The following TDRD9 variants were observed in gnomAD, a reference collection of about 807,000 sequenced individuals.
The protein encoded by TDRD9 is ATP-dependent RNA helicase TDRD9.
TDRD9 carries 124 observed loss-of-function variants against 172.6 expected under a neutral mutation model. The ratio of observed to expected loss-of-function variants is 0.72; its 90% CI spans 0.62 to 0.83. TDRD9 has a LOEUF of 0.83. TDRD9 is among the 40% of genes least tolerant of loss of function. TDRD9 has a pLI of 0.00. For synonymous variants in TDRD9, 619 were observed against 617.1 expected, an observed-to-expected ratio of 1.00 and a Z score of -0.05; for missense variants, 1,479 against 1,714.1, an observed-to-expected ratio of 0.86 and a Z score of 2.42.
chr14:103,929,847 T>C (rs527834828), intron 1 of TDRD9, among the ~76,000 whole-genome samples: 1 of 152,298 alleles, frequency 6.6e-6, no homozygotes, highest in South Asian at 2.1e-4. Flanking sequence ...AAGGTTTTTG[T>C]GTGGACATAA....
intron 7 of TDRD9, among the ~76,000 whole-genome samples, chr14:103,976,289 T>TC (rs2152169069): frequency 6.6e-6 from 1 of 152,210 alleles, no homozygotes; most frequent in South Asian, 2.1e-4. Flanking sequence ...CTTTTTTTTT[T>TC]TCGAGACAGA....
At chr14:103,929,280 T>G (rs75156852) in intron 1 of TDRD9, among the ~76,000 whole-genome samples, 6 of 152,116 alleles carry the variant, frequency 3.9e-5, no homozygotes, top group African/African-American at 1.4e-4. Flanking sequence ...AAACCACTGA[T>G]TTTTTTACTG....
At chr14:103,941,831 A>G in intron 1 of TDRD9, 1 of 651,082 alleles carries the variant, frequency 1.5e-6, no homozygotes, top group Non-Finnish European at 2.6e-6. Context: ...TGCAGGTCAA[A>G]ATAAGATTAG....
chr14:104,012,031 A>G (rs2034628492), intron 20 of TDRD9, among the ~76,000 whole-genome samples: 1 of 152,182 alleles, frequency 6.6e-6, no homozygotes, highest in Admixed American at 6.5e-5. Context: ...GTGTGCGATG[A>G]CAGGCATGAA....
chr14:104,013,885 A>G (rs1274675702), intron 20 of TDRD9: 2 of 151,008 alleles, frequency 1.3e-5, no homozygotes, highest in African/African-American at 2.4e-5. Context: ...GTGCCTGTGA[A>G]TAGCCACTGC....
chr14:103,992,455 G>A (rs1284763962), intron 9 of TDRD9, among the ~76,000 whole-genome samples: 2 of 152,188 alleles, frequency 1.3e-5, no homozygotes, highest in African/African-American at 4.8e-5. Context: ...GTGGGGTGGT[G>A]TTGCATGTGC....
chr14:103,937,450 G>C (rs899440733), intron 1 of TDRD9, among the ~76,000 whole-genome samples: 11 of 152,040 alleles, frequency 7.2e-5, no homozygotes, highest in Non-Finnish European at 1.5e-4. Context: ...TGTGACCTCC[G>C]TAGCTAAAGC....
At chr14:103,983,760 A>T (rs900272745) in intron 7 of TDRD9, among the ~76,000 whole-genome samples, 1 of 152,202 alleles carries the variant, frequency 6.6e-6, no homozygotes, top group African/African-American at 2.4e-5. Context: ...TGTGGAAGCC[A>T]CTTTGGAACT....
rs1253615964 is a variant in TDRD9 at position 104,034,037 on chromosome 14, T to C, written c.3587T>C (p.Leu1196Pro). 1.3e-6 allele frequency: 2 copies of C among 1,551,368 alleles called. No homozygotes were observed. Among genetic ancestry groups the C allele is most frequent in the East Asian group, 4.9e-5 (2 of 40,908 alleles). Residue 1196 changes from leucine (L) to proline (P), a missense_variant, in exon 31 of 36, where the codon CTG (leucine) becomes CCG (proline). Transcript: ENST00000409874. The stretch of plus-strand genomic sequence containing the variant: ...CCTGAAGACCTTCACCAGAGAATGC[T>C]GGTTGCAGCTTCCCTTTCCATCAAT... Reference protein sequence around the residue: ...DAPEDLHQRMLVAASLSINAT... With the variant: ...DAPEDLHQRMPVAASLSINAT...
rs536494639 is a variant in TDRD9, at chr14:104,016,305, A to G, written c.2331+217A>G. ...TGCCTCCTTTTACAGACCTGGCCTTATAAGGAAGCCTTGAGAGTTTATACG... is the reference window on the plus strand; with the variant it reads ...TGCCTCCTTTTACAGACCTGGCCTTGTAAGGAAGCCTTGAGAGTTTATACG... On this transcript the variant is annotated intron_variant, in intron 22 of 35. Coordinates refer to ENST00000409874, the MANE Select transcript of TDRD9 (RefSeq NM_153046.3). Among the ~76,000 whole-genome samples, 252 of 152,242 alleles carry G rather than the reference A, an allele frequency of 1.7e-3. No homozygotes were observed. Among genetic ancestry groups the G allele is most frequent in the African/African-American group, 5.3e-3 (219 of 41,542 alleles).
intron 7 of TDRD9, among the ~76,000 whole-genome samples, chr14:103,983,370 C>G (rs949637328): frequency 1.3e-5 from 2 of 151,928 alleles, no homozygotes; most frequent in African/African-American, 4.8e-5. Flanking sequence ...GCCTAAAAGT[C>G]AACTTTTATA....
chr14:103,965,973 AAAG>A (rs1456474100), intron 4 of TDRD9, among the ~76,000 whole-genome samples: 1 of 152,032 alleles, frequency 6.6e-6, no homozygotes, highest in Non-Finnish European at 1.5e-5. Context: ...ACAAACAAAA[AAAG>A]AAACCAGCTG....
chr14:104,004,145 T>TA, intron 13 of TDRD9, 93 bp from the exon 14 acceptor site: 4 of 572,260 alleles, frequency 7.0e-6, no homozygotes, highest in Non-Finnish European at 1.3e-5. Flanking sequence ...AGGCTTTGCT[T>TA]AATTAATATT....
In TDRD9 at chr14:104,043,242, A is replaced by AT. The variant is rs1180196736; in HGVS notation, c.3974+1071dup. Among the ~76,000 whole-genome samples the AT allele has an allele frequency of 2.8e-3, 395 of 139,236 alleles. 2 individuals are homozygous for AT. The highest frequency in any genetic ancestry group is 0.013 in the East Asian group (63 of 4,784). 91.3% of individuals were successfully genotyped at this position (139,236 alleles called of 152,430 possible). On this transcript the variant is annotated intron_variant, in intron 34 of 35. Transcript: ENST00000409874. Reference sequence around the variant, plus strand: ...TCTTGCTATGTTGCCCAAGCTGGTAATTTTTTTTTTTTTTTTGAGAATGGA... The same window carrying AT: ...TCTTGCTATGTTGCCCAAGCTGGTAATTTTTTTTTTTTTTTTTGAGAATGGA...
At position 104,016,084 on chromosome 14, in the gene TDRD9, T is replaced by C; in HGVS notation, c.2327T>C (p.Val776Ala). The C allele has an allele frequency of 7.5e-6, 12 of 1,596,992 alleles. No homozygotes were observed. The highest frequency in any genetic ancestry group is 1.7e-4 in the Middle Eastern group (1 of 5,868). The stretch of plus-strand genomic sequence containing the variant: ...GCTGGCAAGGACCCCAAGACAACTG[T>C]CGTGGTAGGTGCTGGGGGCAGGCCG... ...ELAGKDPKTT[V>A]VLKHIPPYGF... The change falls in exon 22 of 36, where the codon GTC becomes GCC. Residue 776 changes from valine (V) to alanine (A), a missense_variant. Val to Ala is a moderately conservative substitution (Grantham distance 64). Around this residue, in one of 3 missense-constraint regions of TDRD9, gnomAD observed 1,413 missense variants for 1,649.1 expected, o/e 0.86. Coordinates refer to ENST00000409874, the MANE Select transcript of TDRD9 (RefSeq NM_153046.3).
chr14:104,021,636 T>C (rs1329626842), intron 23 of TDRD9, among the ~76,000 whole-genome samples: 1 of 152,096 alleles, frequency 6.6e-6, no homozygotes, highest in Non-Finnish European at 1.5e-5. Context: ...GAGGTTGCAG[T>C]GAGCCAAGAT....
intron 1 of TDRD9, among the ~76,000 whole-genome samples, chr14:103,948,314 G>A (rs1485770668): frequency 6.6e-6 from 1 of 152,072 alleles, no homozygotes; most frequent in Non-Finnish European, 1.5e-5. Context: ...ATTGCACCCG[G>A]CAAAAAAGTT....
rs950604681 is a variant in TDRD9, at chr14:103,979,937, G to A, written c.1011+4384G>A. On this transcript the variant is annotated intron_variant, in intron 7 of 35. Coordinates refer to ENST00000409874, the MANE Select transcript of TDRD9 (RefSeq NM_153046.3). Reference sequence around the variant, plus strand: ...GTTACCTAGGCCGGAGTGCATTGGTGCGATCATAGCTCACTGTAACCTTGA... The same window carrying A: ...GTTACCTAGGCCGGAGTGCATTGGTACGATCATAGCTCACTGTAACCTTGA... 2.7e-5 allele frequency among the ~76,000 whole-genome samples: 4 copies of A among 150,914 alleles called. No homozygotes were observed. In the South Asian group the frequency reaches 6.3e-4, roughly 24 times the overall value.
intron 31 of TDRD9, among the ~76,000 whole-genome samples, 190 bp downstream of exon 31, chr14:104,034,259 C>T (rs926272148): frequency 9.3e-5 from 13 of 139,700 alleles, no homozygotes; most frequent in Admixed American, 5.6e-4. Flanking sequence ...GGCGCGATCT[C>T]GGCTCACTGC....
Sources: allele counts gnomAD v4.1 joint callset (sites outside exome capture counted in the v4.1 genomes callset), GRCh38; gene constraint gnomAD v4.1.1; regional missense constraint gnomAD v4.1.1; transcripts MANE v1.5; gene names NCBI Gene and HGNC (gene_info 2026-07-23, HGNC 2026-07-21).